Variants in PCSK6 observed in about 807,000 individuals in gnomAD.
The protein encoded by PCSK6 is proprotein convertase subtilisin/kexin type 6.
A neutral mutation model predicts 123.3 loss-of-function variants in PCSK6; 85 were observed. The observed-to-expected ratio is 0.69, with a 90% CI of 0.58 to 0.83. The LOEUF is 0.83. PCSK6 is among the 40% of genes least tolerant of loss of function. The probability of loss-of-function intolerance (pLI) is 0.00; values close to 1 mark genes in which losing one functional copy is unlikely to be tolerated. For missense variants in PCSK6, 1,191 were observed against 1,282.3 expected (o/e 0.93, Z 1.09); for synonymous variants, 508 against 516.0 (o/e 0.98, Z 0.21).
At chr15:101,443,725 C>G in intron 1 of PCSK6, 65 bp from the exon 2 acceptor site, 1 of 1,179,598 alleles carries the variant, frequency 8.5e-7, no homozygotes, top group Non-Finnish European at 1.3e-6. Flanking sequence ...AAATCTTCCA[C>G]CCCACAAGAA....
In PCSK6 at chr15:101,326,467, G is replaced by A. The variant is rs570219314; in HGVS notation, c.2090C>T (p.Pro697Leu). The change falls in exon 16 of 22, where the codon CCG becomes CTG. Residue 697 changes from proline to leucine, a missense_variant. Pro to Leu is a moderately conservative substitution (Grantham distance 98). Around this residue, in one of 3 missense-constraint regions of PCSK6, gnomAD observed 630 missense variants for 631.4 expected, o/e 1.00. Transcript: ENST00000611716. ...ATCACAGCCTTTGTCACCACACTCC[G>A]GATGGCACACACCTTAAAGAAACAA... is the stretch of plus-strand genomic sequence containing the variant. ...ANILQTSVCH[P>L]ECGDKGCDGP... 2.7e-5 allele frequency: 42 copies of A among 1,579,986 alleles called. No individual in the cohort carries two copies. The highest frequency in any genetic ancestry group is 3.3e-4 in the Middle Eastern group (2 of 6,040).
intron 19 of PCSK6, chr15:101,316,412 G>A (rs1177671934): frequency 3.3e-5 from 5 of 152,204 alleles, no homozygotes; most frequent in Non-Finnish European, 5.9e-5. Flanking sequence ...AGGCAATCTG[G>A]GGACTCAAAG....
At chr15:101,340,908 T>C (rs1178560077) in intron 13 of PCSK6, among the ~76,000 whole-genome samples, 1 of 152,122 alleles carries the variant, frequency 6.6e-6, no homozygotes, top group Admixed American at 6.6e-5. Context: ...TTTTGACTTA[T>C]ATTTTTAATT....
At chr15:101,347,313 C>A in intron 13 of PCSK6, 1 of 1,234,268 alleles carries the variant, frequency 8.1e-7, no homozygotes, top group South Asian at 4.2e-5. Flanking sequence ...AAACACAGAT[C>A]AAGATGGCTA....
intron 1 of PCSK6, among the ~76,000 whole-genome samples, chr15:101,484,364 C>T (rs1444095191): frequency 6.6e-6 from 1 of 152,058 alleles, no homozygotes; most frequent in Non-Finnish European, 1.5e-5. Context: ...TACAGTATTG[C>T]TTTGTGCTTT....
intron 20 of PCSK6, among the ~76,000 whole-genome samples, chr15:101,311,369 C>T (rs183358109): frequency 1.4e-4 from 21 of 151,300 alleles, no homozygotes; most frequent in Middle Eastern, 3.4e-3. Flanking sequence ...TCAGGTGATC[C>T]GCCCACCTTG....
chr15:101,392,645 A>C (rs1468128250), intron 8 of PCSK6, among the ~76,000 whole-genome samples: 1 of 148,288 alleles, frequency 6.7e-6, no homozygotes, highest in African/African-American at 2.5e-5. Context: ...AAAAAGCACA[A>C]ATTCTACCTG....
chr15:101,389,361 G>A (rs958360935), intron 9 of PCSK6, 103 bp downstream of exon 9: 23 of 867,640 alleles, frequency 2.7e-5, no homozygotes, highest in African/African-American at 2.3e-4. Flanking sequence ...GCTTAATGCC[G>A]CTGAGCTGTC....
At chr15:101,413,001 G>C (rs2055751457) in intron 6 of PCSK6, among the ~76,000 whole-genome samples, 1 of 123,732 alleles carries the variant, frequency 8.1e-6, no homozygotes. Context: ...TAATGGAGGA[G>C]GAGTGAGGAG....
chr15:101,474,388 C>A (rs891227771), intron 1 of PCSK6, among the ~76,000 whole-genome samples: 2 of 152,184 alleles, frequency 1.3e-5, no homozygotes, highest in African/African-American at 2.4e-5. Flanking sequence ...GGAGAGGACA[C>A]GTGGAAAGCT....
chr15:101,457,079 A>G (rs2057204310), intron 1 of PCSK6, among the ~76,000 whole-genome samples: 1 of 152,218 alleles, frequency 6.6e-6, no homozygotes, highest in Admixed American at 6.5e-5. Flanking sequence ...AGGCTGAGGC[A>G]GGAGAATCAC....
intron 18 of PCSK6, among the ~76,000 whole-genome samples, chr15:101,321,323 C>T (rs1423254933): frequency 6.6e-6 from 1 of 152,206 alleles, no homozygotes; most frequent in African/African-American, 2.4e-5. Context: ...CTTTGGGAGC[C>T]TTGCTTTGCC....
chr15:101,358,018 G>A (rs2141428447), intron 13 of PCSK6, among the ~76,000 whole-genome samples: 1 of 152,324 alleles, frequency 6.6e-6, no homozygotes, highest in African/African-American at 2.4e-5. Context: ...CCTGGAAGGA[G>A]GGGAGTTAGG....
At chr15:101,316,242 C>T (rs75199093) in intron 19 of PCSK6, 19,759 of 152,220 alleles carry the variant, frequency 0.13, 1,243 homozygotes, top group South Asian at 0.18. Flanking sequence ...GTACACGTTC[C>T]CAGGAGCTTA....
chr15:101,462,292 G>A (rs903214896), intron 1 of PCSK6, among the ~76,000 whole-genome samples: 1 of 152,098 alleles, frequency 6.6e-6, no homozygotes, highest in Admixed American at 6.5e-5. Flanking sequence ...ACTTAAAGGA[G>A]ACCTAAATAA....
chr15:101,489,537 G>C lies in PCSK6; in HGVS notation c.134C>G (p.Ala45Gly). 9.9e-7 allele frequency: 1 copy of C among 1,005,266 alleles called. No homozygotes were observed. Among genetic ancestry groups the C allele is most frequent in the South Asian group, 4.5e-5 (1 of 22,150 alleles). 62.3% of individuals were successfully genotyped at this position (1,005,266 alleles called of 1,614,324 possible). ...GAGGPGFRPLAPRPWRWLLLL... is the reference protein window; with the variant it reads ...GAGGPGFRPLGPRPWRWLLLL... The stretch of plus-strand genomic sequence containing the variant: ...CAGCAGCCAGCGCCAGGGACGCGGC[G>C]CGAGCGGCCGGAACCCGGGCCCGCC... The change falls in exon 1 of 22, where the codon GCG (alanine) becomes GGG (glycine). Residue 45 changes from alanine to glycine, a missense_variant. Transcript: ENST00000611716.
chr15:101,436,889 G>A (rs2056617042), intron 2 of PCSK6, among the ~76,000 whole-genome samples: 1 of 152,190 alleles, frequency 6.6e-6, no homozygotes, highest in South Asian at 2.1e-4. Flanking sequence ...TCCCCGACAA[G>A]TGCCCGTCAC....
intron 15 of PCSK6, among the ~76,000 whole-genome samples, chr15:101,327,393 G>T (rs1039653742): frequency 2.0e-5 from 3 of 152,162 alleles, no homozygotes; most frequent in Non-Finnish European, 4.4e-5. Context: ...TCCTCCCCAC[G>T]CTGGTCGGCA....
intron 13 of PCSK6, among the ~76,000 whole-genome samples, chr15:101,358,860 G>A (rs1464118967): frequency 1.3e-5 from 2 of 152,346 alleles, no homozygotes; most frequent in African/African-American, 2.4e-5. Flanking sequence ...CAAGCTCAGA[G>A]GCTGGCCCTG....
Sources: allele counts gnomAD v4.1 joint callset (sites outside exome capture counted in the v4.1 genomes callset), GRCh38; gene constraint gnomAD v4.1.1; regional missense constraint gnomAD v4.1.1; transcripts MANE v1.5; gene names NCBI Gene and HGNC (gene_info 2026-07-23, HGNC 2026-07-21).